FAM167A: variants seen among roughly 807,000 people sequenced by gnomAD.
FAM167A encodes the protein protein FAM167A.
A neutral mutation model predicts 14.9 loss-of-function variants in FAM167A; 23 were observed. That is an observed-to-expected ratio of 1.55 (90% CI 1.11 to 2.19). The LOEUF (loss-of-function observed/expected upper bound fraction) is 2.19, where lower values mean the gene tolerates loss of function less well. Ranked by LOEUF, FAM167A falls within the 30% of genes most tolerant of loss-of-function variation. The pLI, the probability that FAM167A is intolerant of heterozygous loss-of-function variation, is 0.00. For missense variants in FAM167A, 401 were observed against 281.5 expected (o/e 1.42, Z -3.04); for synonymous variants, 174 against 117.7 (o/e 1.48, Z -3.10).
chr8:11,435,971 G>A (rs1013198063), intron 2 of FAM167A, among the ~76,000 whole-genome samples: 1 of 152,156 alleles, frequency 6.6e-6, no homozygotes. Flanking sequence ...CTTCCCATGT[G>A]GCGCTTGCCC....
chr8:11,465,191 C>A (rs1246893090), intron 1 of FAM167A, among the ~76,000 whole-genome samples: 1 of 152,132 alleles, frequency 6.6e-6, no homozygotes, highest in African/African-American at 2.4e-5. Context: ...AGGCAGGGGA[C>A]CTTCTCAGGT....
At chr8:11,469,922 A>AAATC (rs891354695), upstream of FAM167A, among the ~76,000 whole-genome samples, 4 of 110,380 alleles carry the variant, frequency 3.6e-5, no homozygotes, top group African/African-American at 1.1e-4. Flanking sequence ...ATAAATAAAT[A>AAATC]AAAGATTTAA....
chr8:11,425,659 CTT>C (rs2116980523), intron 2 of FAM167A, among the ~76,000 whole-genome samples: 1 of 145,032 alleles, frequency 6.9e-6, no homozygotes, highest in East Asian at 1.9e-4. Flanking sequence ...TTCAGACATG[CTT>C]TGTTATACCC....
upstream of FAM167A, among the ~76,000 whole-genome samples, chr8:11,469,737 G>A (rs1354425047): frequency 6.6e-6 from 1 of 151,854 alleles, no homozygotes; most frequent in Non-Finnish European, 1.5e-5. Flanking sequence ...AGAAAACTCA[G>A]CTGGGCATGG....
In FAM167A at chr8:11,442,100, T is replaced by C. The variant is rs78223194; in HGVS notation, c.381+1931A>G. 9.2e-3 allele frequency among the ~76,000 whole-genome samples: 1,398 copies of C among 152,324 alleles called. 19 individuals carry two copies. Among genetic ancestry groups the C allele is most frequent in the South Asian group, 0.062 (297 of 4,824 alleles). ...TGGTAGTCAGATTAGTCCTGACAAT[T>C]TCTGCTCTGCTGTTGGCCTATGGAG... is the stretch of plus-strand genomic sequence containing the variant. On this transcript the variant is annotated intron_variant, in intron 2 of 2. Coordinates refer to ENST00000284486, the MANE Select transcript of FAM167A (RefSeq NM_053279.3).
At position 11,424,065 on chromosome 8, in the gene FAM167A, C is replaced by A; in HGVS notation, c.*308G>T. 3.3e-6 allele frequency: 1 copy of A among 300,344 alleles called. No individual in the cohort carries two copies. Among genetic ancestry groups the A allele is most frequent in the Non-Finnish European group, 6.3e-6 (1 of 159,768 alleles). The allele number at this position is 300,344 out of a possible 1,614,324, so 18.6% of individuals were successfully genotyped here. A position where few individuals can be genotyped will look rare whatever the true frequency, so the allele number is the denominator to read the frequency against. On this transcript the variant is annotated 3_prime_UTR_variant, in exon 3 of 3. Coordinates refer to ENST00000284486, the MANE Select transcript of FAM167A (RefSeq NM_053279.3). ...TCATAGCACCAGTGATTCCAGGAAA[C>A]AGGAACGTGACCGTGGAGGGATGGA...
chr8:11,465,151 G>A (rs944037226), intron 1 of FAM167A, among the ~76,000 whole-genome samples: 8 of 152,128 alleles, frequency 5.3e-5, no homozygotes, highest in Non-Finnish European at 8.8e-5. Flanking sequence ...AGAAGAAATG[G>A]CTTTCCTGGC....
chr8:11,427,524 T>A (rs1010350416), intron 2 of FAM167A, among the ~76,000 whole-genome samples: 1 of 152,202 alleles, frequency 6.6e-6, no homozygotes, highest in Non-Finnish European at 1.5e-5. Context: ...ATTAGAAAAA[T>A]GAGCCCTGAG....
chr8:11,437,644 G>A (rs977392842), intron 2 of FAM167A, among the ~76,000 whole-genome samples: 2 of 152,116 alleles, frequency 1.3e-5, no homozygotes, highest in African/African-American at 2.4e-5. Flanking sequence ...CACCTCCCCA[G>A]GTTTATGGAA....
intron 1 of FAM167A, among the ~76,000 whole-genome samples, chr8:11,460,800 T>G (rs1050046045): frequency 3.3e-5 from 5 of 152,080 alleles, no homozygotes; most frequent in Non-Finnish European, 7.4e-5. Context: ...CACCCAAGTC[T>G]TCTGACTCCG....
chr8:11,432,584 G>A (rs200058635), intron 2 of FAM167A, among the ~76,000 whole-genome samples: 2 of 152,204 alleles, frequency 1.3e-5, no homozygotes, highest in East Asian at 1.9e-4. Context: ...TGGAGAGGAT[G>A]TGCAGAAATA....
chr8:11,453,356 A>G (rs1329162654), intron 1 of FAM167A, among the ~76,000 whole-genome samples: 1 of 152,238 alleles, frequency 6.6e-6, no homozygotes, highest in African/African-American at 2.4e-5. Context: ...CATTTTAGTA[A>G]CACTGTCAAG....
chr8:11,426,754 A>G (rs375196409), intron 2 of FAM167A, among the ~76,000 whole-genome samples: 15 of 152,226 alleles, frequency 9.9e-5, no homozygotes, highest in East Asian at 7.7e-4. Context: ...TTGGTTGATC[A>G]GTCTTTGATC....
At position 11,458,716 on chromosome 8, in the gene FAM167A, G is replaced by A. The variant is rs185105674; in HGVS notation, c.-398+7910C>T. 6.6e-5 allele frequency among the ~76,000 whole-genome samples: 10 copies of A among 152,212 alleles called. No individual in the cohort carries two copies. In the East Asian group the frequency reaches 1.5e-3, roughly 24 times the overall value. ...TCAGCTGGGAGGATATAAGCTTGGA[G>A]TTTCCAGAGTCTGGAGAAAGCCCGT... is the stretch of plus-strand genomic sequence containing the variant. On this transcript the variant is annotated intron_variant, in intron 1 of 2. Transcript: ENST00000284486.
intron 1 of FAM167A, among the ~76,000 whole-genome samples, chr8:11,452,297 T>C (rs1215819308): frequency 6.6e-6 from 1 of 152,274 alleles, no homozygotes; most frequent in Non-Finnish European, 1.5e-5. Flanking sequence ...TCTGCTCCTC[T>C]GGCAGAAACG....
At chr8:11,446,804 T>C (rs1220304056) in intron 1 of FAM167A, among the ~76,000 whole-genome samples, 1 of 152,200 alleles carries the variant, frequency 6.6e-6, no homozygotes, top group African/African-American at 2.4e-5. Context: ...ATCAGCTGCT[T>C]TCTGGGGCCC....
chr8:11,437,575 T>G (rs56388647), intron 2 of FAM167A, among the ~76,000 whole-genome samples: 1 of 152,154 alleles, frequency 6.6e-6, no homozygotes, highest in Admixed American at 6.5e-5. Context: ...AGTGCACTCT[T>G]GACCAGTTAA....
chr8:11,460,389 C>T (rs377706807), intron 1 of FAM167A, among the ~76,000 whole-genome samples: 9 of 152,192 alleles, frequency 5.9e-5, no homozygotes, highest in African/African-American at 1.9e-4. Context: ...TGATGACCTC[C>T]GTGCCCTCTT....
intron 1 of FAM167A, among the ~76,000 whole-genome samples, chr8:11,475,395 G>T (rs1480664006): frequency 6.6e-6 from 1 of 152,118 alleles, no homozygotes; most frequent in Non-Finnish European, 1.5e-5. Context: ...CTGCATAAAA[G>T]CCTCTCAACC....
Sources: gnomAD v4.1 joint callset for allele counts (sites outside exome capture counted in the v4.1 genomes callset) on GRCh38, gnomAD v4.1.1 for gene constraint, MANE v1.5 for transcripts, NCBI Gene and HGNC (gene_info 2026-07-23, HGNC 2026-07-21) for gene names.